ITGA9: variants seen among roughly 807,000 people sequenced by gnomAD.
The protein encoded by ITGA9 is integrin subunit alpha 9.
In ITGA9, 56 loss-of-function variants were observed where a neutral mutation model predicts 127.8. The observed-to-expected ratio is 0.44, with a 90% CI of 0.35 to 0.55. The LOEUF (loss-of-function observed/expected upper bound fraction) is 0.55. ITGA9 is among the 20% of genes least tolerant of loss of function. The pLI, the probability that ITGA9 is intolerant of heterozygous loss-of-function variation, is 0.00. For missense variants in ITGA9, 1,196 were observed against 1,347.1 expected, an observed-to-expected ratio of 0.89 and a Z score of 1.76; for synonymous variants, 508 against 514.5, an observed-to-expected ratio of 0.99 and a Z score of 0.17.
At position 37,623,691 on chromosome 3, in the gene ITGA9, C is replaced by CTGTG. The variant is rs10581492; in HGVS notation, c.1690-5474_1690-5471dup. On this transcript the variant is annotated intron_variant, in intron 15 of 27. Coordinates refer to ENST00000264741, the MANE Select transcript of ITGA9 (RefSeq NM_002207.3). ...TGTGTGTATGTGTGTGTGTGTGTGT[C>CTGTG]TGTGTGTGTGTGTGTGTGTGTGTGT... 1.8e-3 allele frequency among the ~76,000 whole-genome samples: 276 copies of CTGTG among 149,442 alleles called. 1 individual carries two copies. The highest frequency in any genetic ancestry group is 5.8e-3 in the African/African-American group (237 of 40,666).
intron 16 of ITGA9, among the ~76,000 whole-genome samples, chr3:37,643,787 C>T (rs1700354015): frequency 6.6e-6 from 1 of 152,010 alleles, no homozygotes; most frequent in African/African-American, 2.4e-5. Context: ...ATACCTGGAG[C>T]CTTATTTAGG....
intron 19 of ITGA9, among the ~76,000 whole-genome samples, chr3:37,735,283 C>T (rs1696346089): frequency 6.6e-6 from 1 of 152,160 alleles, no homozygotes; most frequent in Non-Finnish European, 1.5e-5. Flanking sequence ...CAAGACCCTG[C>T]CTCTCTCTTC....
chr3:37,712,163 C>T (rs767807417), intron 18 of ITGA9, among the ~76,000 whole-genome samples: 10 of 152,240 alleles, frequency 6.6e-5, no homozygotes, highest in Non-Finnish European at 1.2e-4. Flanking sequence ...CGAGTGTCAT[C>T]CCAGGGAACT....
At position 37,736,934 on chromosome 3, in the gene ITGA9, C is replaced by T. The variant is rs1217148888; in HGVS notation, c.2185C>T (p.His729Tyr). Reference sequence around the variant, plus strand: ...ATTCAGCGTGATCTTTGATACAAGCCACCTGTCTGGGGAAGAGGAAGTTCT... The same window carrying T: ...ATTCAGCGTGATCTTTGATACAAGCTACCTGTCTGGGGAAGAGGAAGTTCT... ...YEFSVIFDTSHLSGEEEVLSF... is the reference protein window; with the variant it reads ...YEFSVIFDTSYLSGEEEVLSF... Residue 729 changes from histidine to tyrosine, a missense_variant, in exon 20 of 28, where the codon CAC becomes TAC. Physicochemically the swap from His to Tyr is moderately conservative, Grantham distance 83 (BLOSUM62 2). Coordinates refer to ENST00000264741, the MANE Select transcript of ITGA9 (RefSeq NM_002207.3). 2 of 1,613,668 alleles carry T rather than the reference C, an allele frequency of 1.2e-6. No homozygotes were observed. The highest frequency in any genetic ancestry group is 3.3e-5 in the Admixed American group (2 of 60,018).
At chr3:37,536,146 C>T (rs994989662) in intron 14 of ITGA9, among the ~76,000 whole-genome samples, 4 of 152,204 alleles carry the variant, frequency 2.6e-5, no homozygotes, top group Admixed American at 1.3e-4. Context: ...CCTCCACTTC[C>T]ATCCAAGCTC....
chr3:37,796,882 G>C (rs553600676), intron 26 of ITGA9, among the ~76,000 whole-genome samples: 2 of 152,290 alleles, frequency 1.3e-5, no homozygotes, highest in African/African-American at 4.8e-5. Flanking sequence ...GGAGTCCGTA[G>C]ACAGGAAGAT....
intron 18 of ITGA9, among the ~76,000 whole-genome samples, chr3:37,687,626 CAAAG>C (rs1700794168): frequency 6.6e-6 from 1 of 152,130 alleles, no homozygotes. Flanking sequence ...TAGCAGAAAA[CAAAG>C]AAACCAGTTT....
At chr3:37,754,032 TC>T (rs1456035340) in intron 23 of ITGA9, 1 of 152,180 alleles carries the variant, frequency 6.6e-6, no homozygotes, top group Admixed American at 6.5e-5. Context: ...TAGATCATCT[TC>T]TCAATTTTTC....
chr3:37,525,595 A>G, intron 12 of ITGA9, among the ~76,000 whole-genome samples: 1 of 152,262 alleles, frequency 6.6e-6, no homozygotes, highest in Non-Finnish European at 1.5e-5. Flanking sequence ...TATAAGCCAT[A>G]TGTGTAATCT....
chr3:37,616,931 G>C (rs1371963804), intron 15 of ITGA9, among the ~76,000 whole-genome samples: 1 of 152,230 alleles, frequency 6.6e-6, no homozygotes, highest in Non-Finnish European at 1.5e-5. Context: ...TTGCCAGTCT[G>C]TCTTTTAATT....
At chr3:37,506,953 A>G (rs1203173904) in intron 7 of ITGA9, among the ~76,000 whole-genome samples, 1 of 152,162 alleles carries the variant, frequency 6.6e-6, no homozygotes, top group African/African-American at 2.4e-5. Context: ...ACCACTGGTA[A>G]TTGGAGCCTT....
Position 37,782,904 on chromosome 3 carries a change from C to T in ITGA9, c.2788-2073C>T, listed in dbSNP as rs568344400. Among the ~76,000 whole-genome samples the T allele has an allele frequency of 1.2e-4, 18 of 152,320 alleles. No individual in the cohort carries two copies. In the South Asian group the frequency reaches 3.3e-3, roughly 28 times the overall value. On this transcript the variant is annotated intron_variant, in intron 25 of 27. Transcript: ENST00000264741. ...CCTGTAATCCCAGCACTTTGGGAGG[C>T]TGAGGTGGGCATATCACAAGGTCAG...
At chr3:37,789,674 C>T (rs1575238725) in intron 26 of ITGA9, among the ~76,000 whole-genome samples, 2 of 137,230 alleles carry the variant, frequency 1.5e-5, no homozygotes, top group African/African-American at 5.5e-5. Flanking sequence ...GAGGCTGAGA[C>T]AGGAGAATGG....
chr3:37,706,385 T>C (rs1701005690), intron 18 of ITGA9, among the ~76,000 whole-genome samples: 1 of 152,234 alleles, frequency 6.6e-6, no homozygotes. Flanking sequence ...GGGTAAATGG[T>C]ACCTGTCAGT....
chr3:37,593,745 T>C lies in ITGA9; in HGVS notation c.1690-35442T>C, dbSNP rs929816826. ...TCCAGTGGCGATGTCTCCCCAGGCA[T>C]AGAGTCCTCTTCTGTGTTGGGTATT... On this transcript the variant is annotated intron_variant, in intron 15 of 27. Transcript: ENST00000264741. Among the ~76,000 whole-genome samples the C allele has an allele frequency of 2.6e-5, 4 of 152,194 alleles. No homozygotes were observed. The East Asian group carries it at 5.8e-4, about 22-fold the overall frequency.
intron 15 of ITGA9, among the ~76,000 whole-genome samples, chr3:37,595,072 C>T (rs1350714757): frequency 1.3e-5 from 2 of 152,082 alleles, no homozygotes; most frequent in African/African-American, 2.4e-5. Context: ...CTGGAAGATC[C>T]GCTTCCTTGT....
chr3:37,505,978 G>T, intron 6 of ITGA9, 22 bp from the exon 7 acceptor site: 2 of 1,555,802 alleles, frequency 1.3e-6, no homozygotes, highest in African/African-American at 1.4e-5. Flanking sequence ...CCGTGTGCTT[G>T]GTTTCCGCCC....
rs143417091 is a variant in ITGA9, at chr3:37,620,311, C to T, written c.1690-8876C>T. Among the ~76,000 whole-genome samples, 1,159 of 152,298 alleles carry T rather than the reference C, an allele frequency of 7.6e-3. 7 individuals are homozygous for T. The highest frequency in any genetic ancestry group is 0.013 in the Non-Finnish European group (856 of 68,030). On this transcript the variant is annotated intron_variant, in intron 15 of 27. Coordinates refer to ENST00000264741, the MANE Select transcript of ITGA9 (RefSeq NM_002207.3). ...AGCAATGCATGTAGCGGCTAGGGCACTGAGGTCCCGTGACCTGGTTCCAGC... is the reference window on the plus strand; with the variant it reads ...AGCAATGCATGTAGCGGCTAGGGCATTGAGGTCCCGTGACCTGGTTCCAGC...
chr3:37,478,825 C>T (rs1311618688), intron 3 of ITGA9, among the ~76,000 whole-genome samples: 1 of 152,148 alleles, frequency 6.6e-6, no homozygotes, highest in African/African-American at 2.4e-5. Context: ...TCTGACCTCC[C>T]AGAATGCTTT....
Sources: allele counts gnomAD v4.1 joint callset (sites outside exome capture counted in the v4.1 genomes callset), GRCh38; gene constraint gnomAD v4.1.1; transcripts MANE v1.5; gene names NCBI Gene and HGNC (gene_info 2026-07-23, HGNC 2026-07-21).